The following QTRT2 variants were observed in gnomAD, a reference collection of about 807,000 sequenced individuals.
QTRT2 encodes the protein queuine tRNA-ribosyltransferase accessory subunit 2.
In QTRT2, 32 loss-of-function variants were observed where a neutral mutation model predicts 44.8. The ratio of observed to expected loss-of-function variants is 0.71; its 90% confidence interval spans 0.54 to 0.96. QTRT2 has a LOEUF of 0.96. Ranked by LOEUF, QTRT2 falls within the 40% of genes least tolerant of loss-of-function variation. The pLI is 0.00. For missense variants in QTRT2, 461 were observed against 503.1 expected, an observed-to-expected ratio of 0.92 and a Z score of 0.80; for synonymous variants, 182 against 187.4, an observed-to-expected ratio of 0.97 and a Z score of 0.24.
At chr3:114,073,668 C>T (rs1010697492) in intron 6 of QTRT2, among the ~76,000 whole-genome samples, 17 of 152,076 alleles carry the variant, frequency 1.1e-4, no homozygotes, top group African/African-American at 3.4e-4. Flanking sequence ...TGTGAGTCAC[C>T]GCGCCCGGCC....
rs55896540 is a variant in QTRT2 at position 114,083,302 on chromosome 3, C to T, written c.1016+508C>T. ...GTTGTTGTTGCTGTTGTTGTTGTTG[C>T]TGTTGCTGCTGCTGTTGTTGTTGTT... On this transcript the variant is annotated intron_variant, in intron 9 of 9. Coordinates refer to ENST00000281273, the MANE Select transcript of QTRT2 (RefSeq NM_024638.4). Among the ~76,000 whole-genome samples, 19 of 112,830 alleles carry T rather than the reference C, an allele frequency of 1.7e-4. 1 individual carries two copies. Among genetic ancestry groups the T allele is most frequent in the African/African-American group, 5.3e-4 (18 of 33,886 alleles). The allele number at this position is 112,830 out of a possible 152,430, so 74.0% of individuals were successfully genotyped here.
intron 9 of QTRT2, among the ~76,000 whole-genome samples, chr3:114,084,427 GAAC>G (rs1366568097): frequency 6.6e-6 from 1 of 152,110 alleles, no homozygotes; most frequent in South Asian, 2.1e-4. Flanking sequence ...AGACCAGCCT[GAAC>G]AACATAGCAA....
At chr3:114,067,689 A>G (rs2076971986) in intron 4 of QTRT2, among the ~76,000 whole-genome samples, 1 of 152,374 alleles carries the variant, frequency 6.6e-6, no homozygotes, top group African/African-American at 2.4e-5. Flanking sequence ...GTAAAGTCAA[A>G]TGAGATCAAC....
chr3:114,068,127 C>A, intron 5 of QTRT2, 64 bp downstream of exon 5: 1 of 1,266,516 alleles, frequency 7.9e-7, no homozygotes, highest in African/African-American at 1.5e-5. Flanking sequence ...TATGGTGTAT[C>A]CCTCAGATGC....
chr3:114,071,196 G>C (rs755678062), intron 6 of QTRT2, among the ~76,000 whole-genome samples: 1 of 152,156 alleles, frequency 6.6e-6, no homozygotes, highest in Non-Finnish European at 1.5e-5. Flanking sequence ...AAACTCAGAA[G>C]TGACCGGATT....
At chr3:114,073,891 T>C (rs1051940557) in intron 6 of QTRT2, among the ~76,000 whole-genome samples, 3 of 152,262 alleles carry the variant, frequency 2.0e-5, no homozygotes, top group Non-Finnish European at 4.4e-5. Context: ...TTTGTGTTTC[T>C]GCATACATCT....
At chr3:114,067,694 A>T (rs1276311730) in intron 4 of QTRT2, among the ~76,000 whole-genome samples, 1 of 152,228 alleles carries the variant, frequency 6.6e-6, no homozygotes, top group Non-Finnish European at 1.5e-5. Flanking sequence ...GTCAAATGAG[A>T]TCAACATGTC....
At chr3:114,084,060 C>CTTTTTTTTT (rs36088762) in intron 9 of QTRT2, among the ~76,000 whole-genome samples, 1 of 134,760 alleles carries the variant, frequency 7.4e-6, no homozygotes, top group Non-Finnish European at 1.6e-5. Flanking sequence ...TCACTTTTTT[C>CTTTTTTTTT]TTTTTTTTTT....
At position 114,056,831 on chromosome 3, in the gene QTRT2, TG is replaced by T; in HGVS notation, c.-162del. ...TGAACTGTGAGGAGTTTGAGGGGTC[TG>T]AAGACTGAAAGAGTCGAATGGTTTG... is the stretch of plus-strand genomic sequence containing the variant. On this transcript the variant is annotated 5_prime_UTR_variant, in exon 1 of 10. Coordinates refer to ENST00000281273, the MANE Select transcript of QTRT2 (RefSeq NM_024638.4). 1 of 1,535,622 alleles carries T rather than the reference TG, an allele frequency of 6.5e-7. No homozygotes were observed. Among genetic ancestry groups the T allele is most frequent in the Non-Finnish European group, 8.7e-7 (1 of 1,146,650 alleles).
chr3:114,076,716 A>G, intron 6 of QTRT2, 27 bp from the exon 7 acceptor site: 1 of 1,608,998 alleles, frequency 6.2e-7, no homozygotes, highest in Non-Finnish European at 8.5e-7. Flanking sequence ...GAAAATGGTT[A>G]AAAACATATC....
chr3:114,065,488 A>G, intron 3 of QTRT2, 31 bp downstream of exon 3: 1 of 1,550,514 alleles, frequency 6.4e-7, no homozygotes, highest in Non-Finnish European at 8.9e-7. Context: ...TTCAAGTATC[A>G]ACTGTGGCAG....
chr3:114,065,792 T>A (rs1484469042), intron 3 of QTRT2, among the ~76,000 whole-genome samples: 1 of 151,652 alleles, frequency 6.6e-6, no homozygotes, highest in East Asian at 2.0e-4. Flanking sequence ...CCTCAAAGTT[T>A]TTTCTGCCTT....
chr3:114,062,627 A>T (rs1419426136), intron 2 of QTRT2, among the ~76,000 whole-genome samples: 1 of 152,158 alleles, frequency 6.6e-6, no homozygotes, highest in Non-Finnish European at 1.5e-5. Context: ...TTACTAAAGC[A>T]ATGGGGTTTG....
chr3:114,066,292 TAA>T lies in QTRT2; in HGVS notation c.256+10_256+11del. ...AGTTGGAAAGTTTATAGGTAAAAAT[TAA>T]GTTACTTATATGTGCCTTGTGATGT... On this transcript the variant is annotated intron_variant, in intron 4 of 9. Transcript: ENST00000281273. 2.6e-6 allele frequency: 4 copies of T among 1,534,414 alleles called. No homozygotes were observed. Among genetic ancestry groups the T allele is most frequent in the Non-Finnish European group, 3.6e-6 (4 of 1,108,892 alleles).
chr3:114,066,262 G>A lies in QTRT2; in HGVS notation c.235G>A (p.Glu79Lys), dbSNP rs1204021288. 1 of 1,605,916 alleles carries A rather than the reference G, an allele frequency of 6.2e-7. No homozygotes were observed. Among genetic ancestry groups the A allele is most frequent in the African/African-American group, 1.3e-5 (1 of 74,610 alleles). ...TCATGAAGTCTTGACAGAATATAAA[G>A]AAGGAGTTGGAAAGTTTATAGGTAA... Reference protein sequence around the residue: ...EHHEVLTEYKEGVGKFIGMPE... With the variant: ...EHHEVLTEYKKGVGKFIGMPE... The change falls in exon 4 of 10, where the codon GAA (glutamate) becomes AAA (lysine). Residue 79 changes from glutamate to lysine, a missense_variant. Physicochemically the swap from Glu to Lys is moderately conservative, Grantham distance 56. Coordinates refer to ENST00000281273, the MANE Select transcript of QTRT2 (RefSeq NM_024638.4).
intron 5 of QTRT2, chr3:114,068,311 G>A: frequency 5.2e-6 from 2 of 383,514 alleles, no homozygotes; most frequent in Non-Finnish European, 4.9e-6. Flanking sequence ...GGTAGAGGAG[G>A]GTCAAATACA....
At chr3:114,070,292 G>A (rs2077007244) in intron 5 of QTRT2, among the ~76,000 whole-genome samples, 1 of 152,068 alleles carries the variant, frequency 6.6e-6, no homozygotes, top group Non-Finnish European at 1.5e-5. Flanking sequence ...AAGAAATACG[G>A]AACTGTCAGT....
chr3:114,069,313 G>A (rs2076994605), intron 5 of QTRT2, among the ~76,000 whole-genome samples: 1 of 151,932 alleles, frequency 6.6e-6, no homozygotes, highest in South Asian at 2.1e-4. Context: ...GTGTCATGGG[G>A]GTTTGTTGTA....
intron 2 of QTRT2, among the ~76,000 whole-genome samples, chr3:114,058,440 G>C (rs2076837089): frequency 6.6e-6 from 1 of 152,076 alleles, no homozygotes; most frequent in Admixed American, 6.5e-5. Context: ...AAAGTTTAAC[G>C]TCGTCGTTAT....
Sources: allele counts gnomAD v4.1 joint callset (sites outside exome capture counted in the v4.1 genomes callset), GRCh38; gene constraint gnomAD v4.1.1; transcripts MANE v1.5; gene names NCBI Gene and HGNC (gene_info 2026-07-23, HGNC 2026-07-21).